The following GALNT13 variants were observed in gnomAD, a reference collection of about 807,000 sequenced individuals.
The protein encoded by GALNT13 is polypeptide N-acetylgalactosaminyltransferase 13, also known as UDP-GalNAc:polypeptide N-acetylgalactosaminyltransferase 13.
GALNT13 carries 28 observed loss-of-function variants against 64.2 expected under a neutral mutation model. The ratio of observed to expected loss-of-function variants is 0.44; its 90% CI spans 0.32 to 0.60. The LOEUF (loss-of-function observed/expected upper bound fraction) is 0.60, where lower values mean the gene tolerates loss of function less well. Among genes scored for constraint, GALNT13 ranks in the 20% least tolerant of loss-of-function variants. The pLI is 0.05. For synonymous variants in GALNT13, 214 were observed against 224.6 expected (o/e 0.95, Z 0.42); for missense variants, 577 against 669.8 (o/e 0.86, Z 1.53).
chr2:153,497,507 T>C, the GALNT13 span, among the ~76,000 whole-genome samples: 9 of 150,046 alleles, frequency 6.0e-5, no homozygotes, highest in Non-Finnish European at 1.3e-4. Flanking sequence ...TTTATTTTCT[T>C]TACGTTTCTC....
At chr2:153,617,344 G>A in the GALNT13 span, among the ~76,000 whole-genome samples, 1 of 151,960 alleles carries the variant, frequency 6.6e-6, no homozygotes, top group African/African-American at 2.4e-5. Flanking sequence ...CCTTCATTCT[G>A]TTGATATGAT....
At chr2:153,639,630 A>C in the GALNT13 span, among the ~76,000 whole-genome samples, 1 of 152,196 alleles carries the variant, frequency 6.6e-6, no homozygotes, top group Non-Finnish European at 1.5e-5. Flanking sequence ...GAATTCTCTG[A>C]AAGTGCCAAC....
At chr2:153,537,352 A>G in the GALNT13 span, among the ~76,000 whole-genome samples, 1 of 152,216 alleles carries the variant, frequency 6.6e-6, no homozygotes, top group African/African-American at 2.4e-5. Context: ...CCACCAGGCA[A>G]GAGCTTGAAC....
At chr2:153,803,682 A>T in the GALNT13 span, among the ~76,000 whole-genome samples, 1 of 112,574 alleles carries the variant, frequency 8.9e-6, no homozygotes, top group Non-Finnish European at 1.8e-5. Flanking sequence ...ACAGATCGAG[A>T]CTCTGTCTCA....
At chr2:153,459,346 G>C in the GALNT13 span, among the ~76,000 whole-genome samples, 1 of 152,088 alleles carries the variant, frequency 6.6e-6, no homozygotes, top group Non-Finnish European at 1.5e-5. Context: ...GCCAGGCACA[G>C]TAGTGTGTGT....
At chr2:153,091,389 C>A in the GALNT13 span, among the ~76,000 whole-genome samples, 1 of 152,158 alleles carries the variant, frequency 6.6e-6, no homozygotes. Flanking sequence ...TCTCCCTGAT[C>A]TGTATTTTCA....
At chr2:154,132,620 T>A (rs1294822799) in intron 3 of GALNT13, among the ~76,000 whole-genome samples, 5 of 152,018 alleles carry the variant, frequency 3.3e-5, no homozygotes, top group African/African-American at 1.2e-4. Context: ...GCACAGTAGC[T>A]CATGCCTGTA....
chr2:153,100,275 C>A, the GALNT13 span, among the ~76,000 whole-genome samples: 1 of 152,182 alleles, frequency 6.6e-6, no homozygotes, highest in Non-Finnish European at 1.5e-5. Context: ...ATGTGGATTT[C>A]CCAGATAATG....
the GALNT13 span, among the ~76,000 whole-genome samples, chr2:153,803,983 T>G: frequency 1.3e-5 from 2 of 152,170 alleles, no homozygotes; most frequent in African/African-American, 2.4e-5. Context: ...TTTTCATCCC[T>G]CGAACATTTA....
chr2:153,994,469 C>T (rs1013128565), intron 3 of GALNT13, among the ~76,000 whole-genome samples: 1 of 152,154 alleles, frequency 6.6e-6, no homozygotes, highest in Non-Finnish European at 1.5e-5. Flanking sequence ...ATTTCTTGTT[C>T]TAGATCCTTG....
chr2:153,587,565 A>T, the GALNT13 span, among the ~76,000 whole-genome samples: 2 of 152,144 alleles, frequency 1.3e-5, no homozygotes, highest in Non-Finnish European at 2.9e-5. Context: ...AAGGCATCAG[A>T]TCTCATGAGA....
the GALNT13 span, among the ~76,000 whole-genome samples, chr2:153,413,179 A>G: frequency 6.6e-6 from 1 of 152,108 alleles, no homozygotes; most frequent in African/African-American, 2.4e-5. Context: ...GATCTGGGAA[A>G]TATACATCCT....
chr2:154,110,293 A>G (rs1702871380), intron 3 of GALNT13, among the ~76,000 whole-genome samples: 1 of 4,436 alleles, frequency 2.3e-4, no homozygotes, highest in Non-Finnish European at 4.6e-4. Context: ...ATATATATAT[A>G]TATATATATA....
intron 3 of GALNT13, among the ~76,000 whole-genome samples, chr2:153,984,604 A>G (rs1694671881): frequency 6.6e-6 from 1 of 151,618 alleles, no homozygotes. Flanking sequence ...TTGAAGTGTA[A>G]TTTACAAACA....
chr2:154,084,150 A>G (rs569989899), intron 3 of GALNT13, among the ~76,000 whole-genome samples: 7 of 151,900 alleles, frequency 4.6e-5, no homozygotes, highest in Non-Finnish European at 7.4e-5. Flanking sequence ...AATGGTCCAG[A>G]TGTGTTATTT....
the GALNT13 span, among the ~76,000 whole-genome samples, chr2:153,345,719 G>T: frequency 4.2e-3 from 334 of 79,876 alleles, 12 homozygotes; most frequent in Admixed American, 0.01. Flanking sequence ...CTCTCTTTCT[G>T]TCCTTCCTTC....
chr2:153,526,942 CAGA>C, the GALNT13 span, among the ~76,000 whole-genome samples: 1 of 151,754 alleles, frequency 6.6e-6, no homozygotes, highest in Non-Finnish European at 1.5e-5. Flanking sequence ...CAGAACTGAG[CAGA>C]AGAAGAAACC....
chr2:153,869,769 C>G (rs1484482075), upstream of GALNT13, among the ~76,000 whole-genome samples: 1 of 152,074 alleles, frequency 6.6e-6, no homozygotes, highest in Non-Finnish European at 1.5e-5. Flanking sequence ...TGTATGCATT[C>G]TCCTTGAAAT....
intron 3 of GALNT13, among the ~76,000 whole-genome samples, chr2:154,118,282 C>CT (rs557217006): frequency 0.065 from 8,450 of 130,544 alleles, 321 homozygotes; most frequent in South Asian, 0.13. Flanking sequence ...CCCTCTTTGT[C>CT]TTTTTTTTTT....
Sources: gnomAD v4.1 joint callset for allele counts (sites outside exome capture counted in the v4.1 genomes callset) on GRCh38, gnomAD v4.1.1 for gene constraint, MANE v1.5 for transcripts, NCBI Gene and HGNC (gene_info 2026-07-23, HGNC 2026-07-21) for gene names.